The following PCDH10 variants were observed in gnomAD, a reference collection of about 807,000 sequenced individuals.
PCDH10 encodes protocadherin-10.
A neutral mutation model predicts 74.4 loss-of-function variants in PCDH10; 15 were observed. The observed-to-expected ratio is 0.20, with a 90% CI of 0.13 to 0.31. PCDH10 has a LOEUF of 0.31. Among genes scored for constraint, PCDH10 ranks in the 10% least tolerant of loss-of-function variants. The probability of loss-of-function intolerance (pLI) is 1.00; values close to 1 mark genes in which losing one functional copy is unlikely to be tolerated. For missense variants in PCDH10, 1,260 were observed against 1,390.2 expected (o/e 0.91, Z 1.49); for synonymous variants, 619 against 589.8 (o/e 1.05, Z -0.72).
chr4:133,170,305 T>C (rs936127030), intron 4 of PCDH10, among the ~76,000 whole-genome samples: 2 of 152,148 alleles, frequency 1.3e-5, no homozygotes, highest in African/African-American at 4.8e-5. Flanking sequence ...TTCTTTTGAC[T>C]GTATGAAGAG....
At chr4:133,194,891 T>C (rs895548919), downstream of PCDH10, among the ~76,000 whole-genome samples, 9 of 152,038 alleles carry the variant, frequency 5.9e-5, no homozygotes, top group African/African-American at 2.2e-4. Context: ...AGTATATATT[T>C]TTCCACCTAA....
At chr4:133,176,656 C>T (rs1051638851) in intron 4 of PCDH10, among the ~76,000 whole-genome samples, 5 of 152,100 alleles carry the variant, frequency 3.3e-5, no homozygotes, top group Non-Finnish European at 7.4e-5. Context: ...AAAGTACAGT[C>T]TCCCTATTTT....
At chr4:133,194,984 A>C (rs1481273798), downstream of PCDH10, among the ~76,000 whole-genome samples, 1 of 151,996 alleles carries the variant, frequency 6.6e-6, no homozygotes, top group Non-Finnish European at 1.5e-5. Flanking sequence ...TGTACATAAG[A>C]TATGAGTACC....
rs2125859156 is a variant in PCDH10 at position 133,152,602 on chromosome 4, A to T, written c.2462A>T (p.Tyr821Phe). The change falls in exon 1 of 5, where the codon TAT becomes TTT. Residue 821 changes from tyrosine to phenylalanine, a missense_variant. Around this residue, in one of 11 missense-constraint regions of PCDH10, gnomAD observed 587 missense variants for 616.9 expected, o/e 0.95. Transcript: ENST00000264360. ...CACCACCACAACCAGAATTACTGCT[A>T]TCAGGTATGCCTGACCCCTGAGTCC... The part of the protein sequence containing the change: ...GSHHHNQNYC[Y>F]QVCLTPESAK... 1 of 1,614,150 alleles carries T rather than the reference A, an allele frequency of 6.2e-7. No individual in the cohort carries two copies. The highest frequency in any genetic ancestry group is 1.1e-5 in the South Asian group (1 of 91,072).
chr4:133,177,445 G>A (rs1248656471), intron 4 of PCDH10, among the ~76,000 whole-genome samples: 1 of 152,038 alleles, frequency 6.6e-6, no homozygotes, highest in Non-Finnish European at 1.5e-5. Context: ...TGGGCTCTCT[G>A]TGTAATTCTC....
At chr4:133,179,640 A>G (rs1727367592) in intron 4 of PCDH10, among the ~76,000 whole-genome samples, 2 of 152,164 alleles carry the variant, frequency 1.3e-5, no homozygotes, top group African/African-American at 4.8e-5. Context: ...ACACTAAGAT[A>G]CAGACACTCT....
intron 2 of PCDH10, among the ~76,000 whole-genome samples, chr4:133,203,297 A>T (rs1727940619): frequency 1.3e-5 from 2 of 151,578 alleles, no homozygotes; most frequent in Admixed American, 6.6e-5. Context: ...TGTATTCAAG[A>T]TTCCTTCCTT....
At chr4:133,184,647 A>C (rs1156829889) in intron 4 of PCDH10, among the ~76,000 whole-genome samples, 1 of 147,370 alleles carries the variant, frequency 6.8e-6, no homozygotes, top group Non-Finnish European at 1.5e-5. Context: ...TTATCTATAA[A>C]TATAAATAAA....
chr4:133,203,102 A>T (rs1727936513), intron 2 of PCDH10, among the ~76,000 whole-genome samples: 1 of 152,076 alleles, frequency 6.6e-6, no homozygotes, highest in African/African-American at 2.4e-5. Flanking sequence ...TGTCTATGAG[A>T]GTTCTGTATT....
chr4:133,164,096 A>C (rs2125863599), intron 4 of PCDH10: 1 of 449,024 alleles, frequency 2.2e-6, no homozygotes, highest in African/African-American at 2.0e-5. Context: ...TCAGCTTTTC[A>C]AATTACTCAG....
chr4:133,204,405 T>A (rs1727963062), intron 2 of PCDH10, among the ~76,000 whole-genome samples: 1 of 152,162 alleles, frequency 6.6e-6, no homozygotes, highest in African/African-American at 2.4e-5. Context: ...TTACCCTTGA[T>A]AGGTAGGACT....
rs542919775 is a variant in PCDH10, at chr4:133,169,868, A to G, written c.3103+6586A>G. ...CTTCAATCCTTTTAATAGAAATTAG[A>G]TCATGTCATTTAGATAATATAGATT... On this transcript the variant is annotated intron_variant, in intron 4 of 4. Transcript: ENST00000264360. 6.6e-5 allele frequency among the ~76,000 whole-genome samples: 10 copies of G among 152,102 alleles called. No individual in the cohort carries two copies. The East Asian group carries it at 7.7e-4, about 12-fold the overall frequency.
chr4:133,155,651 A>G (rs1726851057), intron 3 of PCDH10, among the ~76,000 whole-genome samples: 1 of 152,174 alleles, frequency 6.6e-6, no homozygotes, highest in Admixed American at 6.5e-5. Context: ...CATATTTTCA[A>G]CAGGGTCCAT....
chr4:133,151,374 T>G lies in PCDH10; in HGVS notation c.1234T>G (p.Tyr412Asp), dbSNP rs554035994. The G allele has an allele frequency of 1.2e-6, 2 of 1,614,088 alleles. No individual in the cohort carries two copies. The highest frequency in any genetic ancestry group is 2.2e-5 in the East Asian group (1 of 44,824). Residue 412 changes from tyrosine (Y) to aspartate (D), a missense_variant, in exon 1 of 5, where the codon TAC (tyrosine) becomes GAC (aspartate). Tyr to Asp is a radical substitution (Grantham distance 160). Coordinates refer to ENST00000264360, the MANE Select transcript of PCDH10 (RefSeq NM_032961.3). ...PFRLKSSFKN[Y>D]YTIVTEAPLD... is the part of the protein sequence containing the mutation. ...CCGCCTCAAGTCTTCCTTTAAGAATTACTACACCATCGTTACCGAAGCCCC... is the reference window on the plus strand; with the variant it reads ...CCGCCTCAAGTCTTCCTTTAAGAATGACTACACCATCGTTACCGAAGCCCC...
intron 3 of PCDH10, among the ~76,000 whole-genome samples, chr4:133,160,552 A>G (rs1726947609): frequency 6.6e-6 from 1 of 151,074 alleles, no homozygotes. Flanking sequence ...GCCAGATAGG[A>G]AAATAGGCAC....
At chr4:133,154,599 T>C (rs1003433569) in intron 2 of PCDH10, among the ~76,000 whole-genome samples, 5 of 152,234 alleles carry the variant, frequency 3.3e-5, no homozygotes, top group African/African-American at 9.6e-5. Context: ...TTTACACTCC[T>C]ACACAGCTTC....
chr4:133,161,517 C>G (rs751144501), intron 3 of PCDH10, among the ~76,000 whole-genome samples: 1 of 151,838 alleles, frequency 6.6e-6, no homozygotes, highest in Non-Finnish European at 1.5e-5. Flanking sequence ...TAACAGAATA[C>G]TATCAGGAAT....
rs71616771 is a variant in PCDH10 at position 133,154,186 on chromosome 4, T to G, written c.2632-121T>G. 6.8e-3 allele frequency: 4,562 copies of G among 673,724 alleles called. 26 individuals carry two copies. The highest frequency in any genetic ancestry group is 0.01 in the Non-Finnish European group (3,913 of 387,926). 41.7% of individuals were successfully genotyped at this position (673,724 alleles called of 1,614,324 possible). On this transcript the variant is annotated intron_variant, in intron 1 of 4. Transcript: ENST00000264360. ...CACTAGGATGAGGTTTTAGGAGAGC[T>G]TGGAAATTCATAAAAATGTATACAA...
At position 133,181,246 on chromosome 4, in the gene PCDH10, CAATT is replaced by C. The variant is rs1185235380; in HGVS notation, c.3104-8893_3104-8890del. Among the ~76,000 whole-genome samples, 49 of 151,878 alleles carry C rather than the reference CAATT, an allele frequency of 3.2e-4. 1 individual carries two copies. The highest frequency in any genetic ancestry group is 1.1e-3 in the African/African-American group (45 of 41,484). ...CAGTTAAGATTATACAATAATCAGA[CAATT>C]AGTCATTAACTAAAAATTTATATTC... On this transcript the variant is annotated intron_variant, in intron 4 of 4. Coordinates refer to ENST00000264360, the MANE Select transcript of PCDH10 (RefSeq NM_032961.3).
Sources: gnomAD v4.1 joint callset for allele counts (sites outside exome capture counted in the v4.1 genomes callset) on GRCh38, gnomAD v4.1.1 for gene constraint, gnomAD v4.1.1 regional missense constraint, MANE v1.5 for transcripts, NCBI Gene and HGNC (gene_info 2026-07-23, HGNC 2026-07-21) for gene names.